The following ZP3 variants were observed in gnomAD, a reference collection of about 807,000 sequenced individuals.
ZP3 encodes the protein zona pellucida glycoprotein 3, also known as zona pellucida sperm-binding protein 3.
Under a neutral mutation model 35.6 loss-of-function variants are expected in ZP3, and 21 were observed. That is an observed-to-expected ratio of 0.59 (90% CI 0.42 to 0.85). The LOEUF is 0.85. ZP3 is among the 40% of genes least tolerant of loss of function. The probability of loss-of-function intolerance (pLI) is 0.00; values close to 1 mark genes in which losing one functional copy is unlikely to be tolerated. For synonymous variants in ZP3, 207 were observed against 214.5 expected (o/e 0.96, Z 0.31); for missense variants, 437 against 536.5 (o/e 0.81, Z 1.83).
intron 5 of ZP3, among the ~76,000 whole-genome samples, chr7:76,435,679 C>G (rs1381540838): frequency 1.3e-5 from 2 of 151,880 alleles, no homozygotes; most frequent in African/African-American, 4.8e-5. Context: ...TAGGTGTTTG[C>G]TGTAAAACTC....
At chr7:76,398,454 G>T (rs1804711045) in intron 1 of ZP3, among the ~76,000 whole-genome samples, 1 of 151,890 alleles carries the variant, frequency 6.6e-6, no homozygotes, top group Non-Finnish European at 1.5e-5. Flanking sequence ...ACAGGAATAT[G>T]CCACCACGCC....
chr7:76,403,539 T>C (rs1804895752), intron 1 of ZP3, among the ~76,000 whole-genome samples: 1 of 151,870 alleles, frequency 6.6e-6, no homozygotes, highest in South Asian at 2.1e-4. Context: ...GGTTTCACCA[T>C]GTTGGCCGGG....
upstream of ZP3, among the ~76,000 whole-genome samples, chr7:76,420,414 C>T (rs1417925667): frequency 1.3e-5 from 2 of 152,148 alleles, no homozygotes; most frequent in Non-Finnish European, 2.9e-5. Context: ...TGCCCACATA[C>T]AGCTAAAACA....
At chr7:76,427,880 C>CT (rs1289499199) in intron 1 of ZP3, among the ~76,000 whole-genome samples, 11 of 152,112 alleles carry the variant, frequency 7.2e-5, no homozygotes, top group African/African-American at 2.7e-4. Flanking sequence ...GGGTCTAGCT[C>CT]TATTGCCCAG....
At chr7:76,412,566 A>G (rs941967000) in intron 1 of ZP3, among the ~76,000 whole-genome samples, 2 of 152,188 alleles carry the variant, frequency 1.3e-5, no homozygotes, top group Non-Finnish European at 2.9e-5. Context: ...AGATGTAAAC[A>G]TTGCTGGGCG....
At chr7:76,437,378 G>A (rs1479258361) in intron 5 of ZP3, among the ~76,000 whole-genome samples, 1 of 151,672 alleles carries the variant, frequency 6.6e-6, no homozygotes, top group Non-Finnish European at 1.5e-5. Context: ...GTTTCACTAT[G>A]TTGGTCAGGC....
At chr7:76,430,522 T>A (rs1338267544) in intron 2 of ZP3, among the ~76,000 whole-genome samples, 2 of 151,750 alleles carry the variant, frequency 1.3e-5, no homozygotes, top group Non-Finnish European at 2.9e-5. Flanking sequence ...GCTCACGAGG[T>A]AAGGAGTTCA....
chr7:76,401,326 C>T (rs749384608), intron 1 of ZP3, among the ~76,000 whole-genome samples: 1 of 152,116 alleles, frequency 6.6e-6, no homozygotes, highest in Non-Finnish European at 1.5e-5. Flanking sequence ...CCATAATGAC[C>T]CCTGTTACCT....
chr7:76,406,134 C>T (rs574068302), intron 1 of ZP3, among the ~76,000 whole-genome samples: 6 of 152,150 alleles, frequency 3.9e-5, no homozygotes, highest in South Asian at 4.2e-4. Flanking sequence ...TACAGGCACC[C>T]GCCACCACGC....
At chr7:76,423,721 G>A (rs1805576943), upstream of ZP3, among the ~76,000 whole-genome samples, 1 of 151,936 alleles carries the variant, frequency 6.6e-6, no homozygotes, top group South Asian at 2.1e-4. Flanking sequence ...GAGGAGCTGG[G>A]CATGGTGGAA....
At chr7:76,415,533 A>C (rs1187032887) in intron 1 of ZP3, among the ~76,000 whole-genome samples, 1 of 150,242 alleles carries the variant, frequency 6.7e-6, no homozygotes, top group African/African-American at 2.4e-5. Flanking sequence ...TCGCTTTGTC[A>C]CCCAGGCTGG....
intron 1 of ZP3, among the ~76,000 whole-genome samples, chr7:76,415,364 C>CAAAAAAAAAAAAAAAAAAAAAAA (rs528001072): frequency 7.9e-5 from 5 of 63,492 alleles, no homozygotes; most frequent in Admixed American, 1.9e-4. Context: ...GACTCCGTCT[C>CAAAAAAAAAAAAAAAAAAAAAAA]AAAAAAAAAA....
intron 5 of ZP3, among the ~76,000 whole-genome samples, chr7:76,437,663 T>G (rs1806063539): frequency 1.4e-5 from 1 of 70,070 alleles, no homozygotes; most frequent in Admixed American, 1.2e-4. Context: ...ATTTCTGTAT[T>G]TTTTTTTTTT....
At chr7:76,441,695 C>T in intron 7 of ZP3, 147 bp from the exon 8 acceptor site, 1 of 1,287,870 alleles carries the variant, frequency 7.8e-7, no homozygotes, top group Non-Finnish European at 1.1e-6. Context: ...GCCGAGAAAG[C>T]TGTGTTTTTT....
At chr7:76,425,345 C>T (rs1805620050) in intron 1 of ZP3, 69 bp downstream of exon 1, 7 of 1,492,518 alleles carry the variant, frequency 4.7e-6, no homozygotes. Flanking sequence ...GGGACTGTGG[C>T]CACCATCGGT....
At position 76,433,124 on chromosome 7, in the gene ZP3, TTTGGTTTTGG is replaced by T. The variant is rs57549964; in HGVS notation, c.535+133_535+142del. On this transcript the variant is annotated intron_variant, in intron 3 of 7. Transcript: ENST00000394857. ...TGTGTCTTTTTTTTGTTTGTTTGGTTTTGGTTTTGGTTGGTTTTGGTTGGTTTTGGTTGGT... is the reference window on the plus strand; with the variant it reads ...TGTGTCTTTTTTTTGTTTGTTTGGTTTTGGTTTTGGTTGGTTTTGGTTGGT... 4.3e-3 allele frequency: 2,923 copies of T among 673,538 alleles called. 43 individuals are homozygous for T. The highest frequency in any genetic ancestry group is 0.037 in the African/African-American group (1,932 of 52,620). The allele number at this position is 673,538 out of a possible 1,614,324, so 41.7% of individuals were successfully genotyped here.
intron 1 of ZP3, among the ~76,000 whole-genome samples, chr7:76,408,865 A>G (rs1805132440): frequency 6.6e-6 from 1 of 152,132 alleles, no homozygotes; most frequent in Non-Finnish European, 1.5e-5. Context: ...CATTTTCTAC[A>G]GTACAGCCGG....
At chr7:76,417,927 T>G (rs577010597) in intron 1 of ZP3, among the ~76,000 whole-genome samples, 7 of 145,604 alleles carry the variant, frequency 4.8e-5, no homozygotes, top group Admixed American at 1.4e-4. Flanking sequence ...AATAGTGCTT[T>G]CTTTCTTTCT....
chr7:76,400,870 G>T (rs978888540), intron 1 of ZP3: 7 of 1,251,176 alleles, frequency 5.6e-6, no homozygotes, highest in Non-Finnish European at 7.8e-6. Context: ...GGAAAATGGG[G>T]AGACTACAGC....
Sources: allele counts gnomAD v4.1 joint callset (sites outside exome capture counted in the v4.1 genomes callset), GRCh38; gene constraint gnomAD v4.1.1; transcripts MANE v1.5; gene names NCBI Gene and HGNC (gene_info 2026-07-23, HGNC 2026-07-21).